The following ST3GAL1 variants were observed in gnomAD, a reference collection of about 807,000 sequenced individuals.
ST3GAL1 encodes the protein CMP-N-acetylneuraminate-beta-galactosamide-alpha-2,3-sialyltransferase 1.
In ST3GAL1, 16 loss-of-function variants were observed where a neutral mutation model predicts 34.1. That is an observed-to-expected ratio of 0.47 (90% CI 0.32 to 0.71). The LOEUF (loss-of-function observed/expected upper bound fraction) is 0.71. Ranked by LOEUF, ST3GAL1 falls within the 30% of genes least tolerant of loss-of-function variation. The probability of loss-of-function intolerance (pLI) is 0.04; values close to 1 mark genes in which losing one functional copy is unlikely to be tolerated. For synonymous variants in ST3GAL1, 191 were observed against 184.7 expected (o/e 1.03, Z -0.28); for missense variants, 353 against 447.4 (o/e 0.79, Z 1.90).
chr8:133,546,908 A>C (rs1046928181), intron 1 of ST3GAL1, among the ~76,000 whole-genome samples: 2 of 151,872 alleles, frequency 1.3e-5, no homozygotes, highest in African/African-American at 4.8e-5. Context: ...CAGGAGTCTG[A>C]GGCAGGAGAA....
Position 133,565,151 on chromosome 8 carries a change from CTGTGTGTG to C in ST3GAL1, c.-582+6534_-582+6541del, listed in dbSNP as rs60990775. 4.2e-4 allele frequency among the ~76,000 whole-genome samples: 59 copies of C among 139,408 alleles called. No individual in the cohort carries two copies. In the East Asian group the frequency reaches 5.4e-3, roughly 13 times the overall value. 91.5% of individuals were successfully genotyped at this position (139,408 alleles called of 152,430 possible). A position where few individuals can be genotyped will look rare whatever the true frequency, so the allele number is the denominator to read the frequency against. On this transcript the variant is annotated intron_variant, in intron 1 of 9. Coordinates refer to ENST00000522652, the MANE Select transcript of ST3GAL1 (RefSeq NM_173344.3). ...CAAATGAGATAACAGCTCTGTGTGC[CTGTGTGTG>C]TGTGTGTGTGTGTGTGTGTGTGTGT... is the stretch of plus-strand genomic sequence containing the variant.
intron 7 of ST3GAL1, among the ~76,000 whole-genome samples, chr8:133,464,314 G>T (rs1422277052): frequency 1.3e-5 from 2 of 152,202 alleles, no homozygotes; most frequent in Admixed American, 1.3e-4. Context: ...GGAAGCCACA[G>T]CCGCGTTGCT....
At chr8:133,475,299 C>A (rs1040881493) in intron 5 of ST3GAL1, among the ~76,000 whole-genome samples, 5 of 152,238 alleles carry the variant, frequency 3.3e-5, no homozygotes, top group African/African-American at 1.2e-4. Context: ...CCCTCAGAGC[C>A]TCCAGGAGGA....
intron 3 of ST3GAL1, among the ~76,000 whole-genome samples, chr8:133,480,883 T>C (rs984339195): frequency 5.9e-5 from 9 of 152,356 alleles, no homozygotes; most frequent in Middle Eastern, 3.4e-3. Context: ...GTGCCTACTC[T>C]ATTTGAATTA....
At chr8:133,507,081 G>A (rs902865484) in intron 2 of ST3GAL1, among the ~76,000 whole-genome samples, 5 of 152,174 alleles carry the variant, frequency 3.3e-5, no homozygotes, top group African/African-American at 1.2e-4. Flanking sequence ...CAGCAGGAAG[G>A]AAAGACAGAA....
chr8:133,498,750 G>A (rs551117431), intron 3 of ST3GAL1, among the ~76,000 whole-genome samples: 2 of 152,204 alleles, frequency 1.3e-5, no homozygotes, highest in African/African-American at 2.4e-5. Flanking sequence ...AGCACACGAC[G>A]AGGCACCTGG....
intron 1 of ST3GAL1, among the ~76,000 whole-genome samples, chr8:133,563,515 C>T (rs1404959095): frequency 1.3e-5 from 2 of 152,248 alleles, no homozygotes; most frequent in African/African-American, 4.8e-5. Flanking sequence ...GTTCCAGGTC[C>T]CCAAATCCAA....
chr8:133,482,379 G>A (rs1188257407), intron 3 of ST3GAL1, among the ~76,000 whole-genome samples: 34 of 152,188 alleles, frequency 2.2e-4, no homozygotes, highest in Non-Finnish European at 2.9e-5. Context: ...TCACGGGCGT[G>A]GCAAATTCAG....
intron 8 of ST3GAL1, 107 bp downstream of exon 8, chr8:133,463,307 G>A (rs943652573): frequency 1.3e-5 from 17 of 1,269,170 alleles, no homozygotes; most frequent in South Asian, 3.7e-5. Context: ...TACCTCCAGC[G>A]GCCTGGGGAT....
At chr8:133,502,611 G>A (rs180842365) in intron 2 of ST3GAL1, among the ~76,000 whole-genome samples, 113 of 152,248 alleles carry the variant, frequency 7.4e-4, no homozygotes, top group African/African-American at 1.8e-3. Flanking sequence ...AATTTCTGTC[G>A]TTTAAGCTAC....
intron 2 of ST3GAL1, among the ~76,000 whole-genome samples, chr8:133,521,533 G>A (rs28725480): frequency 0.14 from 20,906 of 152,124 alleles, 1,547 homozygotes; most frequent in South Asian, 0.18. Flanking sequence ...TCCTGACCTC[G>A]TGATCCACCC....
intron 5 of ST3GAL1, among the ~76,000 whole-genome samples, chr8:133,473,791 C>T (rs1014771832): frequency 1.3e-5 from 2 of 152,226 alleles, no homozygotes; most frequent in Non-Finnish European, 2.9e-5. Context: ...TAGGTAGAGA[C>T]CAGTGATGCT....
intron 3 of ST3GAL1, among the ~76,000 whole-genome samples, chr8:133,482,303 T>C (rs912163552): frequency 6.6e-6 from 1 of 152,196 alleles, no homozygotes; most frequent in Non-Finnish European, 1.5e-5. Context: ...TTGCCCAAAG[T>C]AGAAGTCACA....
At position 133,561,182 on chromosome 8, in the gene ST3GAL1, G is replaced by A. The variant is rs117183481; in HGVS notation, c.-582+10511C>T. ...CAAAAAATTTCAAGCAAGATCCCCT[G>A]TTCCCAAACCGTCTGCAAGATTTTC... is the stretch of plus-strand genomic sequence containing the variant. On this transcript the variant is annotated intron_variant, in intron 1 of 9. Transcript: ENST00000522652. Among the ~76,000 whole-genome samples the A allele has an allele frequency of 8.2e-5, 11 of 134,760 alleles. No individual in the cohort carries two copies. The East Asian group carries it at 2.2e-3, about 27-fold the overall frequency. The allele number at this position is 134,760 out of a possible 152,430, so 88.4% of individuals were successfully genotyped here.
chr8:133,555,166 G>A (rs1818973014), intron 1 of ST3GAL1, among the ~76,000 whole-genome samples: 1 of 152,276 alleles, frequency 6.6e-6, no homozygotes, highest in South Asian at 2.1e-4. Flanking sequence ...GAATTGAACT[G>A]AGCTTCACTC....
At chr8:133,497,455 AATTTTTTTTTTTTT>A (rs1816991233) in intron 3 of ST3GAL1, among the ~76,000 whole-genome samples, 1 of 101,242 alleles carries the variant, frequency 9.9e-6, no homozygotes, top group African/African-American at 3.8e-5. Context: ...ATTTTGTTGG[AATTTTTTTTTTTTT>A]TTTTTTTTTT....
At chr8:133,569,893 A>G (rs985806600) in intron 1 of ST3GAL1, among the ~76,000 whole-genome samples, 2 of 152,214 alleles carry the variant, frequency 1.3e-5, no homozygotes, top group Non-Finnish European at 2.9e-5. Flanking sequence ...CCAGGAGTAG[A>G]GCCCCCGCAC....
chr8:133,514,064 C>A (rs1004009591), intron 2 of ST3GAL1, among the ~76,000 whole-genome samples: 3 of 152,200 alleles, frequency 2.0e-5, no homozygotes, highest in Non-Finnish European at 2.9e-5. Flanking sequence ...CAAAAACGAT[C>A]ATCACAAATG....
At chr8:133,514,561 A>G (rs1817589716) in intron 2 of ST3GAL1, among the ~76,000 whole-genome samples, 1 of 151,980 alleles carries the variant, frequency 6.6e-6, no homozygotes, top group Non-Finnish European at 1.5e-5. Flanking sequence ...CCTCTCCTCC[A>G]CCGCATGCTC....
Sources: gnomAD v4.1 joint callset for allele counts (sites outside exome capture counted in the v4.1 genomes callset) on GRCh38, gnomAD v4.1.1 for gene constraint, MANE v1.5 for transcripts, NCBI Gene and HGNC (gene_info 2026-07-23, HGNC 2026-07-21) for gene names.